Variants in HEATR4 observed in about 807,000 individuals in gnomAD.
HEATR4 encodes HEAT repeat containing 4, also known as HEAT repeat-containing protein 4.
HEATR4 carries 95 observed loss-of-function variants against 108.8 expected under a neutral mutation model. The ratio of observed to expected loss-of-function variants is 0.87; its 90% CI spans 0.74 to 1.04. The LOEUF (loss-of-function observed/expected upper bound fraction) is 1.04. HEATR4 is among the 50% of genes least tolerant of loss of function. HEATR4 has a pLI of 0.00. For missense variants in HEATR4, 1,152 were observed against 1,253.8 expected (o/e 0.92, Z 1.23); for synonymous variants, 443 against 459.4 (o/e 0.96, Z 0.46).
At chr14:73,559,970 A>G (rs1889490413), upstream of HEATR4, among the ~76,000 whole-genome samples, 2 of 152,022 alleles carry the variant, frequency 1.3e-5, no homozygotes, top group Non-Finnish European at 2.9e-5. Context: ...CTTTGCCCAC[A>G]CAGTTCAATC....
chr14:73,617,021 G>C, the HEATR4 span: 1 of 852,798 alleles, frequency 1.2e-6, no homozygotes, highest in East Asian at 2.4e-5. Flanking sequence ...TCATTGATCT[G>C]TTTGGGAGCA....
the HEATR4 span, chr14:73,592,211 G>A: frequency 5.0e-6 from 8 of 1,612,738 alleles, no homozygotes; most frequent in Non-Finnish European, 6.8e-6. Flanking sequence ...TCTGGGCCCT[G>A]GAACCCGAGA....
the HEATR4 span, among the ~76,000 whole-genome samples, chr14:73,594,675 T>TATTTATTC: frequency 5.0e-5 from 7 of 138,800 alleles, no homozygotes; most frequent in African/African-American, 1.8e-4. Flanking sequence ...TTGGATAAGT[T>TATTTATTC]ATTTATTTAT....
intron 1 of HEATR4, among the ~76,000 whole-genome samples, chr14:73,538,575 G>A (rs1233684956): frequency 2.2e-5 from 2 of 90,058 alleles, no homozygotes; most frequent in Non-Finnish European, 4.4e-5. Flanking sequence ...ATCGTGCCAC[G>A]CACTCCAGCC....
the HEATR4 span, among the ~76,000 whole-genome samples, chr14:73,632,859 AG>A: frequency 0.22 from 29,224 of 132,704 alleles, 4,283 homozygotes; most frequent in Non-Finnish European, 0.31. Context: ...AAAAAAAAAA[AG>A]AAGAAGAAGA....
At chr14:73,491,478 A>C in intron 17 of HEATR4, 1 of 1,495,256 alleles carries the variant, frequency 6.7e-7, no homozygotes, top group Non-Finnish European at 8.9e-7. Context: ...ACCGCGCAAC[A>C]CTTAGCGGCC....
At chr14:73,583,109 C>T in the HEATR4 span, among the ~76,000 whole-genome samples, 19 of 151,730 alleles carry the variant, frequency 1.3e-4, no homozygotes, top group Admixed American at 1.1e-3. Flanking sequence ...TTTGGGAGGC[C>T]GAGGCGGGCG....
the HEATR4 span, chr14:73,616,713 T>A: frequency 4.0e-6 from 1 of 249,526 alleles, no homozygotes; most frequent in Non-Finnish European, 7.5e-6. Context: ...TTTTTTTAAT[T>A]TCAATACCTT....
the HEATR4 span, chr14:73,595,130 G>A: frequency 6.2e-7 from 1 of 1,614,224 alleles, no homozygotes; most frequent in African/African-American, 1.3e-5. Flanking sequence ...CTTGAAGAAT[G>A]TCTCAGCCAC....
chr14:73,569,380 C>T, the HEATR4 span: 5 of 1,613,988 alleles, frequency 3.1e-6, no homozygotes, highest in Non-Finnish European at 4.2e-6. Flanking sequence ...TTCCTGGGGT[C>T]TCCACAGCTG....
At chr14:73,569,724 A>G in the HEATR4 span, 1 of 1,609,404 alleles carries the variant, frequency 6.2e-7, no homozygotes, top group Non-Finnish European at 8.5e-7. Context: ...CGACGTGCGA[A>G]CGCCCTTGGC....
At chr14:73,618,815 G>A in the HEATR4 span, among the ~76,000 whole-genome samples, 397 of 152,172 alleles carry the variant, frequency 2.6e-3, 2 homozygotes, top group African/African-American at 8.5e-3. Flanking sequence ...TGTTGGATAC[G>A]GAAGGAAAGC....
intron 11 of HEATR4, among the ~76,000 whole-genome samples, chr14:73,501,731 C>T (rs906582842): frequency 6.6e-6 from 1 of 151,714 alleles, no homozygotes; most frequent in African/African-American, 2.4e-5. Flanking sequence ...TACACCACCA[C>T]ACTGGCTAAC....
At chr14:73,623,884 C>G in the HEATR4 span, among the ~76,000 whole-genome samples, 12 of 151,992 alleles carry the variant, frequency 7.9e-5, no homozygotes, top group Non-Finnish European at 1.6e-4. Context: ...GATCTGCACA[C>G]GCTAGGCCTC....
intron 17 of HEATR4, among the ~76,000 whole-genome samples, chr14:73,487,793 C>A (rs983326159): frequency 6.6e-6 from 1 of 152,068 alleles, no homozygotes; most frequent in Non-Finnish European, 1.5e-5. Context: ...ATGGTAGCGC[C>A]TTTGGAGAGG....
rs1160869161 is a variant in HEATR4 at position 73,508,231 on chromosome 14, G to A, written c.1784C>T (p.Pro595Leu). ...CLALEGTATY[P>L]VIKRILHQLF... ...CTGGTGGAGGATCCTCTTAATCACAGGGTAAGTAGCAGTACCTTCCAGAGC... is the reference window on the plus strand; with the variant it reads ...CTGGTGGAGGATCCTCTTAATCACAAGGTAAGTAGCAGTACCTTCCAGAGC... The change falls in exon 9 of 18, where the codon CCT becomes CTT. Residue 595 changes from proline to leucine, a missense_variant. Coordinates refer to ENST00000553558, the MANE Select transcript of HEATR4 (RefSeq NM_001220484.1). The A allele has an allele frequency of 6.2e-7, 1 of 1,613,846 alleles. No homozygotes were observed. The highest frequency in any genetic ancestry group is 1.3e-5 in the African/African-American group (1 of 74,902).
chr14:73,520,824 C>G (rs373481241), intron 4 of HEATR4, 28 bp downstream of exon 4: 20 of 1,599,558 alleles, frequency 1.3e-5, no homozygotes, highest in Non-Finnish European at 1.7e-5. Context: ...CCCCGTGTGC[C>G]CCTACCACAG....
the HEATR4 span, among the ~76,000 whole-genome samples, chr14:73,570,110 C>CTTT: frequency 7.3e-4 from 102 of 140,646 alleles, no homozygotes; most frequent in African/African-American, 2.4e-3. Flanking sequence ...GGGAGTTACA[C>CTTT]TTTTTTTTTT....
Position 73,498,172 on chromosome 14 carries a change from G to C in HEATR4, c.2529C>G (p.Asn843Lys). 1.2e-6 allele frequency: 2 copies of C among 1,612,176 alleles called. No individual in the cohort carries two copies. The highest frequency in any genetic ancestry group is 1.3e-5 in the African/African-American group (1 of 74,994). Reference protein sequence around the residue: ...DTFLDVLLLENHDAVLKEMYQ... With the variant: ...DTFLDVLLLEKHDAVLKEMYQ... ...GTGCTTACTTTAGAACAGCATCGTGGTTCTCCAGGAGCAGCACGTCTAGGA... is the reference window on the plus strand; with the variant it reads ...GTGCTTACTTTAGAACAGCATCGTGCTTCTCCAGGAGCAGCACGTCTAGGA... The change falls in exon 14 of 18, where the codon AAC becomes AAG. Residue 843 changes from asparagine to lysine, a missense_variant. Transcript: ENST00000553558.
Sources: allele counts gnomAD v4.1 joint callset (sites outside exome capture counted in the v4.1 genomes callset), GRCh38; gene constraint gnomAD v4.1.1; transcripts MANE v1.5; gene names NCBI Gene and HGNC (gene_info 2026-07-23, HGNC 2026-07-21).